Variants in LPGAT1 observed in about 807,000 individuals in gnomAD.
LPGAT1 encodes acyl-CoA:lysophosphatidylglycerol acyltransferase 1.
LPGAT1 carries 11 observed loss-of-function variants against 47.5 expected under a neutral mutation model. The observed-to-expected ratio is 0.23, with a 90% CI of 0.15 to 0.38. The LOEUF (loss-of-function observed/expected upper bound fraction) is 0.38. LPGAT1 is among the 10% of genes least tolerant of loss of function. The pLI is 1.00. For missense variants in LPGAT1, 293 were observed against 439.0 expected (o/e 0.67, Z 2.97); for synonymous variants, 138 against 144.2 (o/e 0.96, Z 0.31).
In LPGAT1 at chr1:211,767,940, G is replaced by A. The variant is rs1349660613; in HGVS notation, c.854+10978C>T. Among the ~76,000 whole-genome samples the A allele has an allele frequency of 1.3e-5, 2 of 152,166 alleles. 1 individual carries two copies. Among genetic ancestry groups the A allele is most frequent in the Admixed American group, 1.3e-4 (2 of 15,282 alleles). The stretch of plus-strand genomic sequence containing the variant: ...ATATATCATTACTGTACCCGAGGGT[G>A]TATACCTTAGAGTTACTCTCAGTTA... On this transcript the variant is annotated intron_variant, in intron 6 of 7. Coordinates refer to ENST00000366997, the MANE Select transcript of LPGAT1 (RefSeq NM_014873.3).
At chr1:211,756,637 A>T (rs538177247) in intron 6 of LPGAT1, among the ~76,000 whole-genome samples, 15 of 152,238 alleles carry the variant, frequency 9.9e-5, no homozygotes, top group African/African-American at 2.9e-4. Context: ...GTCAACTTTT[A>T]AAAAAAGAAA....
chr1:211,787,647 G>A lies in LPGAT1; in HGVS notation c.438C>T (p.Asp146=). ...NFGIVSLVHG[D]FFIRQGRSYR... Reference sequence around the variant, plus strand: ...CATTACTTACCTGTCTTATAAAGAAGTCTCCATGAACTAGAGAAACAATTC... The same window carrying A: ...CATTACTTACCTGTCTTATAAAGAAATCTCCATGAACTAGAGAAACAATTC... The change falls in exon 4 of 8, where the codon GAC becomes GAT. Residue 146 remains aspartate, a synonymous_variant. Coordinates refer to ENST00000366997, the MANE Select transcript of LPGAT1 (RefSeq NM_014873.3). 1 of 1,590,856 alleles carries A rather than the reference G, an allele frequency of 6.3e-7. No individual in the cohort carries two copies. The highest frequency in any genetic ancestry group is 1.7e-4 in the Middle Eastern group (1 of 5,998).
In LPGAT1 at chr1:211,787,723, A is replaced by G; in HGVS notation, c.362T>C (p.Val121Ala). 1 of 1,592,824 alleles carries G rather than the reference A, an allele frequency of 6.3e-7. No individual in the cohort carries two copies. The highest frequency in any genetic ancestry group is 8.6e-7 in the Non-Finnish European group (1 of 1,166,886). ...ATCCATCAACCACATCATCTGAGCA[A>G]CAACCTAAAATATTTAAAAGCAAGA... The part of the protein sequence containing the change: ...MMCLQDKGLV[V>A]AQMMWLMDHI... Residue 121 changes from valine (V) to alanine (A), a missense_variant, in exon 4 of 8, where the codon GTT becomes GCT. Val to Ala is a moderately conservative substitution (Grantham distance 64). Coordinates refer to ENST00000366997, the MANE Select transcript of LPGAT1 (RefSeq NM_014873.3).
intron 3 of LPGAT1, among the ~76,000 whole-genome samples, chr1:211,789,255 A>T (rs1659010151): frequency 6.6e-6 from 1 of 152,222 alleles, no homozygotes; most frequent in Non-Finnish European, 1.5e-5. Flanking sequence ...CCTATAAAGC[A>T]TTTTAGCTTT....
At chr1:211,759,789 T>C (rs952368243) in intron 6 of LPGAT1, among the ~76,000 whole-genome samples, 2 of 152,220 alleles carry the variant, frequency 1.3e-5, no homozygotes, top group Admixed American at 1.3e-4. Context: ...AAATTCCTCT[T>C]ATGCTCTACT....
intron 6 of LPGAT1, among the ~76,000 whole-genome samples, chr1:211,778,310 C>T (rs12562933): frequency 0.083 from 12,388 of 149,148 alleles, 637 homozygotes; most frequent in Admixed American, 0.15. Flanking sequence ...CCACTGCACT[C>T]CAGTCTGGGC....
intron 2 of LPGAT1, among the ~76,000 whole-genome samples, chr1:211,818,949 A>C (rs974627193): frequency 2.6e-5 from 4 of 152,258 alleles, no homozygotes; most frequent in Non-Finnish European, 5.9e-5. Context: ...GCTTTTCAAC[A>C]GACCTCAAAG....
Position 211,805,869 on chromosome 1 carries a change from G to C in LPGAT1, c.239-12679C>G, listed in dbSNP as rs373270839. ...CTACAGACTAAAACCATCATGAATA[G>C]AGGCAAAAATTATCAATAGAATATT... On this transcript the variant is annotated intron_variant, in intron 2 of 7. Transcript: ENST00000366997. Among the ~76,000 whole-genome samples, 22 of 152,240 alleles carry C rather than the reference G, an allele frequency of 1.4e-4. No homozygotes were observed. In the East Asian group the frequency reaches 3.9e-3, roughly 27 times the overall value.
intron 2 of LPGAT1, among the ~76,000 whole-genome samples, chr1:211,807,821 A>T (rs11119814): frequency 0.084 from 12,718 of 152,152 alleles, 663 homozygotes; most frequent in Admixed American, 0.15. Flanking sequence ...CCATAACCTG[A>T]GTTTGGGCAA....
At chr1:211,773,976 T>A (rs1395569578) in intron 6 of LPGAT1, among the ~76,000 whole-genome samples, 1 of 152,108 alleles carries the variant, frequency 6.6e-6, no homozygotes, top group Non-Finnish European at 1.5e-5. Context: ...ATGAATTTTT[T>A]AAAAAGCATC....
chr1:211,781,140 T>C (rs59409730), intron 5 of LPGAT1, among the ~76,000 whole-genome samples: 3,721 of 152,188 alleles, frequency 0.024, 149 homozygotes, highest in African/African-American at 0.084. Context: ...GAAAATAATA[T>C]AGGTAAAACT....
chr1:211,774,393 G>A (rs1431828672), intron 6 of LPGAT1, among the ~76,000 whole-genome samples: 1 of 151,986 alleles, frequency 6.6e-6, no homozygotes, highest in Non-Finnish European at 1.5e-5. Context: ...TGGAATTACA[G>A]GCATGAGCCA....
chr1:211,789,301 T>G (rs1659011516), intron 3 of LPGAT1, among the ~76,000 whole-genome samples: 1 of 152,240 alleles, frequency 6.6e-6, no homozygotes. Context: ...ATTTATTGAC[T>G]TCTGGGTTTT....
At chr1:211,777,386 A>G (rs547842875) in intron 6 of LPGAT1, among the ~76,000 whole-genome samples, 148 of 152,328 alleles carry the variant, frequency 9.7e-4, no homozygotes, top group Non-Finnish European at 1.8e-3. Context: ...AAAGAAAAGT[A>G]TATCTCCTCA....
At chr1:211,821,898 G>T (rs1274221591) in intron 2 of LPGAT1, among the ~76,000 whole-genome samples, 1 of 152,064 alleles carries the variant, frequency 6.6e-6, no homozygotes, top group Non-Finnish European at 1.5e-5. Flanking sequence ...TATATAAATA[G>T]AAAACATAAA....
At chr1:211,756,222 G>A (rs1424082741) in intron 6 of LPGAT1, among the ~76,000 whole-genome samples, 2 of 151,812 alleles carry the variant, frequency 1.3e-5, no homozygotes, top group African/African-American at 2.4e-5. Context: ...GGCAACAGAG[G>A]GAGACTCCGT....
At chr1:211,808,915 TG>T (rs1311993607) in intron 2 of LPGAT1, among the ~76,000 whole-genome samples, 1 of 152,052 alleles carries the variant, frequency 6.6e-6, no homozygotes, top group Non-Finnish European at 1.5e-5. Context: ...TTAATTGTGT[TG>T]GCCAGGCACG....
chr1:211,764,856 C>T (rs1057298178), intron 6 of LPGAT1, among the ~76,000 whole-genome samples: 3 of 151,994 alleles, frequency 2.0e-5, no homozygotes, highest in African/African-American at 7.3e-5. Flanking sequence ...AGGAAGATGG[C>T]AAATACTTAG....
intron 2 of LPGAT1, among the ~76,000 whole-genome samples, chr1:211,795,555 C>T (rs1273161771): frequency 3.3e-5 from 5 of 152,084 alleles, no homozygotes; most frequent in Admixed American, 1.3e-4. Context: ...TTAGTAGAGA[C>T]GGGGTTTCTC....
Sources: allele counts gnomAD v4.1 joint callset (sites outside exome capture counted in the v4.1 genomes callset), GRCh38; gene constraint gnomAD v4.1.1; transcripts MANE v1.5; gene names NCBI Gene and HGNC (gene_info 2026-07-23, HGNC 2026-07-21).